The following DNAJB8 variants were observed in gnomAD, a reference collection of about 807,000 sequenced individuals.
DNAJB8 encodes the protein DnaJ heat shock protein family (Hsp40) member B8.
For synonymous variants in DNAJB8, 127 were observed against 127.1 expected, an observed-to-expected ratio of 1.00 and a Z score of 0.00; for missense variants, 354 against 318.9, an observed-to-expected ratio of 1.11 and a Z score of -0.84.
intron 1 of DNAJB8, chr3:128,466,236 G>C (rs1003849385): frequency 2.0e-5 from 3 of 152,276 alleles, no homozygotes; most frequent in Non-Finnish European, 4.4e-5. Flanking sequence ...CTTCAGGAAG[G>C]TTCTGCAAAT....
At position 128,466,713 on chromosome 3, in the gene DNAJB8, T is replaced by C. The variant is rs576083799; in HGVS notation, c.-1126A>G. 6.6e-6 allele frequency: 1 copy of C among 152,182 alleles called. No homozygotes were observed. Among genetic ancestry groups the C allele is most frequent in the African/African-American group, 2.4e-5 (1 of 41,514 alleles). The allele number at this position is 152,182 out of a possible 1,614,324, so 9.4% of individuals were successfully genotyped here. On this transcript the variant is annotated 5_prime_UTR_variant, in exon 1 of 3. Coordinates refer to ENST00000319153, the MANE Select transcript of DNAJB8 (RefSeq NM_153330.6). ...ACTAGAGCCTGCCAATACAAGGGATTTGGAGAGTGGAAAAGAGAGGCCGTT... is the reference window on the plus strand; with the variant it reads ...ACTAGAGCCTGCCAATACAAGGGATCTGGAGAGTGGAAAAGAGAGGCCGTT...
chr3:128,462,575 T>C lies in DNAJB8; in HGVS notation c.671A>G (p.Glu224Gly), dbSNP rs1252684780. ...CTTGCTGTCCATCCATTTGAGCTGCTCCTTGCCGTTCACAGTCACCGACTT... is the reference window on the plus strand; with the variant it reads ...CTTGCTGTCCATCCATTTGAGCTGCCCCTTGCCGTTCACAGTCACCGACTT... ...QLKSVTVNGK[E>G]QLKWMDSK The change falls in exon 3 of 3, where the codon GAG (glutamate) becomes GGG (glycine). Residue 224 changes from glutamate (E) to glycine (G), a missense_variant. Physicochemically the swap from Glu to Gly is moderately conservative, Grantham distance 98. Transcript: ENST00000319153. 6.8e-6 allele frequency: 11 copies of C among 1,611,596 alleles called. No individual in the cohort carries two copies. Among genetic ancestry groups the C allele is most frequent in the Non-Finnish European group, 9.3e-6 (11 of 1,178,208 alleles).
In DNAJB8 at chr3:128,463,150, G is replaced by A. The variant is rs753376929; in HGVS notation, c.96C>T (p.Pro32=). The change falls in exon 3 of 3, where the codon CCC becomes CCT. Residue 32 remains proline, a synonymous_variant. Coordinates refer to ENST00000319153, the MANE Select transcript of DNAJB8 (RefSeq NM_153330.6). ...AYRKLALRWH[P]DKNPDNKEEA... is the part of the protein sequence containing the mutation. ...CCTCCTTATTGTCAGGGTTCTTGTCGGGGTGCCAACGAAGGGCCAGCTTGC... is the reference window on the plus strand; with the variant it reads ...CCTCCTTATTGTCAGGGTTCTTGTCAGGGTGCCAACGAAGGGCCAGCTTGC... 62 of 1,614,050 alleles carry A rather than the reference G, an allele frequency of 3.8e-5. No individual in the cohort carries two copies. In the South Asian group the frequency reaches 5.4e-4, roughly 14 times the overall value.
chr3:128,465,820 A>G (rs796520213), intron 1 of DNAJB8: 6 of 152,190 alleles, frequency 3.9e-5, no homozygotes, highest in African/African-American at 1.5e-4. Context: ...TATGATGAGG[A>G]GGTGATGGGA....
rs1049011685 is a variant in DNAJB8 at position 128,464,066 on chromosome 3, A to C, written c.-821T>G. On this transcript the variant is annotated 5_prime_UTR_variant, in exon 3 of 3. Transcript: ENST00000319153. ...AGGGAGGGGATGTGAAACCAGGGCC[A>C]AGGCTGCAGCGGACAGCAAATCCAA... 1 of 165,668 alleles carries C rather than the reference A, an allele frequency of 6.0e-6. No homozygotes were observed. Among genetic ancestry groups the C allele is most frequent in the Non-Finnish European group, 1.5e-5 (1 of 68,156 alleles). 10.3% of individuals were successfully genotyped at this position (165,668 alleles called of 1,614,324 possible).
Position 128,462,711 on chromosome 3 carries a change from A to T in DNAJB8, c.535T>A (p.Phe179Ile). 3.1e-6 allele frequency: 5 copies of T among 1,612,524 alleles called. No homozygotes were observed. Among genetic ancestry groups the T allele is most frequent in the Non-Finnish European group, 4.2e-6 (5 of 1,179,646 alleles). Residue 179 changes from phenylalanine (F) to isoleucine (I), a missense_variant, in exon 3 of 3, where the codon TTC becomes ATC. Transcript: ENST00000319153. Reference protein sequence around the residue: ...FGGSSSGSSGFKSVMSSTEMI... With the variant: ...FGGSSSGSSGIKSVMSSTEMI... ...TCGGTGGACGACATCACCGACTTGA[A>T]CCCCGAGCTGCCAGAACTGGAGCCC...
At chr3:128,466,588 T>G (rs2068515373) in intron 1 of DNAJB8, 26 bp downstream of exon 1, 1 of 152,428 alleles carries the variant, frequency 6.6e-6, no homozygotes, top group African/African-American at 2.4e-5. Context: ...CTGTATTTTC[T>G]GTTGCTAACT....
In DNAJB8 at chr3:128,463,550, G is replaced by A. The variant is rs368456133; in HGVS notation, c.-305C>T. ...CTTTTATGACGTCAGCTCCCGGGGC[G>A]GGGCATACCCCCGCCCCCAGCTCCT... On this transcript the variant is annotated 5_prime_UTR_variant, in exon 3 of 3. Coordinates refer to ENST00000319153, the MANE Select transcript of DNAJB8 (RefSeq NM_153330.6). 2.8e-3 allele frequency: 711 copies of A among 252,996 alleles called. 7 individuals are homozygous for A. The highest frequency in any genetic ancestry group is 0.014 in the African/African-American group (633 of 44,412). 15.7% of individuals were successfully genotyped at this position (252,996 alleles called of 1,614,324 possible). A position where few individuals can be genotyped will look rare whatever the true frequency, so the allele number is the denominator to read the frequency against.
chr3:128,465,392 G>A lies in DNAJB8; in HGVS notation c.-982C>T, dbSNP rs1359309350. ...TCTGTGGCTGGATTTTTGTCACTAT[G>A]TCTCGGTTAGCAGTTAGCACCTGCT... On this transcript the variant is annotated 5_prime_UTR_variant, in exon 2 of 3. Coordinates refer to ENST00000319153, the MANE Select transcript of DNAJB8 (RefSeq NM_153330.6). 2 of 152,310 alleles carry A rather than the reference G, an allele frequency of 1.3e-5. No individual in the cohort carries two copies. Among genetic ancestry groups the A allele is most frequent in the Non-Finnish European group, 1.5e-5 (1 of 68,066 alleles). 9.4% of individuals were successfully genotyped at this position (152,310 alleles called of 1,614,324 possible). A position where few individuals can be genotyped will look rare whatever the true frequency, so the allele number is the denominator to read the frequency against.
At position 128,463,011 on chromosome 3, in the gene DNAJB8, C is replaced by T; in HGVS notation, c.235G>A (p.Ala79Thr). Residue 79 changes from alanine (A) to threonine (T), a missense_variant, in exon 3 of 3, where the codon GCC (alanine) becomes ACC (threonine). Physicochemically the swap from Ala to Thr is moderately conservative, Grantham distance 58. Coordinates refer to ENST00000319153, the MANE Select transcript of DNAJB8 (RefSeq NM_153330.6). ...GCDSWRAGGGASTPYHSPFDT... is the reference protein window; with the variant it reads ...GCDSWRAGGGTSTPYHSPFDT... ...AAGGGGCTGTGGTAGGGCGTGCTGG[C>T]CCCGCCACCAGCCCGCCAGCTGTCA... The T allele has an allele frequency of 1.2e-6, 2 of 1,614,120 alleles. No individual in the cohort carries two copies. Among genetic ancestry groups the T allele is most frequent in the Non-Finnish European group, 1.7e-6 (2 of 1,179,970 alleles).
Position 128,462,829 on chromosome 3 carries a change from T to C in DNAJB8, c.417A>G (p.Gly139=), listed in dbSNP as rs1200261906. 1 of 1,613,994 alleles carries C rather than the reference T, an allele frequency of 6.2e-7. No individual in the cohort carries two copies. The highest frequency in any genetic ancestry group is 1.1e-5 in the South Asian group (1 of 91,072). Residue 139 remains glycine, a synonymous_variant, in exon 3 of 3, where the codon GGA becomes GGG. Transcript: ENST00000319153. ...AGGCCTCCATGAAGGCCGGAAATTC[T>C]CCAAAGCCTGCCGAGAAGGCCCCCC... ...GLRGAFSAGF[G]EFPAFMEAFS...
rs748553089 is a variant in DNAJB8 at position 128,462,734 on chromosome 3, C to A, written c.512G>T (p.Gly171Val). The part of the protein sequence containing the change: ...HTTFSSTSFG[G>V]SSSGSSGFKS... ...GAACCCCGAGCTGCCAGAACTGGAGCCCCCGAAGGAGGTGGATGAGAAGGT... is the reference window on the plus strand; with the variant it reads ...GAACCCCGAGCTGCCAGAACTGGAGACCCCGAAGGAGGTGGATGAGAAGGT... Residue 171 changes from glycine (G) to valine (V), a missense_variant, in exon 3 of 3, where the codon GGC becomes GTC. Physicochemically the swap from Gly to Val is moderately radical, Grantham distance 109. Coordinates refer to ENST00000319153, the MANE Select transcript of DNAJB8 (RefSeq NM_153330.6). The A allele has an allele frequency of 3.1e-6, 5 of 1,613,916 alleles. No individual in the cohort carries two copies. In the Admixed American group the frequency reaches 5.0e-5, roughly 16 times the overall value.
At position 128,463,695 on chromosome 3, in the gene DNAJB8, A is replaced by C; in HGVS notation, c.-450T>G. The C allele has an allele frequency of 5.9e-6, 1 of 170,778 alleles. No homozygotes were observed. 10.6% of individuals were successfully genotyped at this position (170,778 alleles called of 1,614,324 possible). A position where few individuals can be genotyped will look rare whatever the true frequency, so the allele number is the denominator to read the frequency against. ...GGCTGAGTCCCGGGAGCCAAAGGGC[A>C]GAGGCAGGATCAGCCACGGGATTCC... On this transcript the variant is annotated 5_prime_UTR_variant, in exon 3 of 3. Transcript: ENST00000319153.
rs149526532 is a variant in DNAJB8 at position 128,463,026 on chromosome 3, G to A, written c.220C>T (p.Arg74Trp). Residue 74 changes from arginine to tryptophan, a missense_variant, in exon 3 of 3, where the codon CGG becomes TGG. Coordinates refer to ENST00000319153, the MANE Select transcript of DNAJB8 (RefSeq NM_153330.6). ...GGCGTGCTGGCCCCGCCACCAGCCC[G>A]CCAGCTGTCACAGCCAGCACGGTCA... is the stretch of plus-strand genomic sequence containing the variant. Reference protein sequence around the residue: ...LYDRAGCDSWRAGGGASTPYH... With the variant: ...LYDRAGCDSWWAGGGASTPYH... 116 of 1,613,970 alleles carry A rather than the reference G, an allele frequency of 7.2e-5. No individual in the cohort carries two copies. Among genetic ancestry groups the A allele is most frequent in the African/African-American group, 1.1e-4 (8 of 74,900 alleles).
chr3:128,465,163 T>A (rs1266706190), intron 2 of DNAJB8, 113 bp downstream of exon 2: 1 of 152,190 alleles, frequency 6.6e-6, no homozygotes, highest in Non-Finnish European at 1.5e-5. Flanking sequence ...CCAGGAGGAA[T>A]GGAGACAGAC....
In DNAJB8 at chr3:128,463,475, G is replaced by A; in HGVS notation, c.-230C>T. ...ACTGAGAGGAGTGGGGGGAGGGGAG[G>A]GACACTGCCGCTGTGGGGCCAGGCC... On this transcript the variant is annotated 5_prime_UTR_variant, in exon 3 of 3. Coordinates refer to ENST00000319153, the MANE Select transcript of DNAJB8 (RefSeq NM_153330.6). The A allele has an allele frequency of 2.2e-6, 1 of 460,002 alleles. No homozygotes were observed. 28.5% of individuals were successfully genotyped at this position (460,002 alleles called of 1,614,324 possible).
rs1216760033 is a variant in DNAJB8 at position 128,463,740 on chromosome 3, G to A, written c.-495C>T. 5.9e-6 allele frequency: 1 copy of A among 168,560 alleles called. No individual in the cohort carries two copies. The highest frequency in any genetic ancestry group is 2.4e-5 in the African/African-American group (1 of 41,474). The allele number at this position is 168,560 out of a possible 1,614,324, so 10.4% of individuals were successfully genotyped here. On this transcript the variant is annotated 5_prime_UTR_variant, in exon 3 of 3. Coordinates refer to ENST00000319153, the MANE Select transcript of DNAJB8 (RefSeq NM_153330.6). ...GATTCCAGCCTTGGTGAGTGACAAAGGTCTGTGGCCGTGGTGGGGGAGGCG... is the reference window on the plus strand; with the variant it reads ...GATTCCAGCCTTGGTGAGTGACAAAAGTCTGTGGCCGTGGTGGGGGAGGCG...
rs1413052124 is a variant in DNAJB8, at chr3:128,462,487, C to A, written c.*60G>T. 4 of 1,525,182 alleles carry A rather than the reference C, an allele frequency of 2.6e-6. No homozygotes were observed. Among genetic ancestry groups the A allele is most frequent in the African/African-American group, 1.4e-5 (1 of 72,716 alleles). 94.5% of individuals were successfully genotyped at this position (1,525,182 alleles called of 1,614,324 possible). A position where few individuals can be genotyped will look rare whatever the true frequency, so the allele number is the denominator to read the frequency against. On this transcript the variant is annotated 3_prime_UTR_variant, in exon 3 of 3. Transcript: ENST00000319153. The stretch of plus-strand genomic sequence containing the variant: ...CCATCAGGCTATGTCTGCGGCCCCA[C>A]GTGTTTGCTGCCCCATGCACGGTGG...
rs2068485787 is a variant in DNAJB8 at position 128,463,424 on chromosome 3, A to G, written c.-179T>C. 1 of 580,614 alleles carries G rather than the reference A, an allele frequency of 1.7e-6. No individual in the cohort carries two copies. The highest frequency in any genetic ancestry group is 2.9e-5 in the East Asian group (1 of 34,548). 36.0% of individuals were successfully genotyped at this position (580,614 alleles called of 1,614,324 possible). On this transcript the variant is annotated 5_prime_UTR_variant, in exon 3 of 3. Transcript: ENST00000319153. ...CAGGAGTTCACCTTTTCGTAGTACC[A>G]ATTCTCAGGGACTGGAGGGGCCCCC... is the stretch of plus-strand genomic sequence containing the variant.
Sources: gnomAD v4.1 joint callset for allele counts on GRCh38, gnomAD v4.1.1 for gene constraint, MANE v1.5 for transcripts, NCBI Gene and HGNC (gene_info 2026-07-23, HGNC 2026-07-21) for gene names.